MEGF11: variants seen among roughly 807,000 people sequenced by gnomAD.
MEGF11 encodes the protein multiple epidermal growth factor-like domains protein 11.
In MEGF11, 126 loss-of-function variants were observed where a neutral mutation model predicts 146.6. The observed-to-expected ratio is 0.86, with a 90% CI of 0.74 to 1.00. MEGF11 has a LOEUF of 1.00. MEGF11 is among the 50% of genes least tolerant of loss of function. MEGF11 has a pLI of 0.00. For missense variants in MEGF11, 1,509 were observed against 1,521.2 expected (o/e 0.99, Z 0.13); for synonymous variants, 532 against 583.4 (o/e 0.91, Z 1.27).
chr15:66,154,791 G>A (rs2089695278), intron 1 of MEGF11, among the ~76,000 whole-genome samples: 1 of 152,168 alleles, frequency 6.6e-6, no homozygotes, highest in Non-Finnish European at 1.5e-5. Context: ...AACCTTTTCA[G>A]TTGATGAACC....
chr15:66,192,658 G>A (rs1309595598), intron 1 of MEGF11, among the ~76,000 whole-genome samples: 1 of 152,106 alleles, frequency 6.6e-6, no homozygotes, highest in Non-Finnish European at 1.5e-5. Context: ...ACAGAGCCAG[G>A]ATTTGCCCCT....
At chr15:66,146,110 T>C (rs2089360721) in intron 1 of MEGF11, among the ~76,000 whole-genome samples, 1 of 152,190 alleles carries the variant, frequency 6.6e-6, no homozygotes, top group Non-Finnish European at 1.5e-5. Flanking sequence ...GAAATTGACT[T>C]AACTTCTCTG....
intron 1 of MEGF11, among the ~76,000 whole-genome samples, chr15:66,220,147 C>T (rs1470102450): frequency 6.6e-6 from 1 of 152,024 alleles, no homozygotes; most frequent in African/African-American, 2.4e-5. Context: ...TGGGGAGAAG[C>T]AAGGAGGGAT....
intron 1 of MEGF11, among the ~76,000 whole-genome samples, chr15:66,133,549 C>CCGTCTAGTGGCCT (rs2088751552): frequency 6.6e-6 from 1 of 152,196 alleles, no homozygotes; most frequent in African/African-American, 2.4e-5. Context: ...GGTTATCGCC[C>CCGTCTAGTGGCCT]CGTCTAGTGG....
intron 4 of MEGF11, 107 bp downstream of exon 4, chr15:66,118,979 C>T (rs2087870844): frequency 1.4e-6 from 1 of 731,964 alleles, no homozygotes; most frequent in Non-Finnish European, 2.3e-6. Context: ...TGGCTGAGGA[C>T]TGCTGCCTAG....
At chr15:65,899,536 A>T (rs2078440862) in intron 24 of MEGF11, among the ~76,000 whole-genome samples, 1 of 152,218 alleles carries the variant, frequency 6.6e-6, no homozygotes, top group African/African-American at 2.4e-5. Context: ...TGAGAAGCTT[A>T]GGTTCAGAAG....
intron 5 of MEGF11, among the ~76,000 whole-genome samples, chr15:66,006,637 C>T (rs945613417): frequency 3.3e-5 from 5 of 152,314 alleles, no homozygotes; most frequent in South Asian, 2.1e-4. Flanking sequence ...CTGGCATCCT[C>T]GACAGGAAAA....
intron 5 of MEGF11, among the ~76,000 whole-genome samples, chr15:66,058,971 G>C (rs528856392): frequency 6.6e-6 from 1 of 152,172 alleles, no homozygotes; most frequent in South Asian, 2.1e-4. Context: ...CCCCATCCAG[G>C]ACTCCCAACC....
intron 1 of MEGF11, among the ~76,000 whole-genome samples, chr15:66,227,044 T>G (rs1283132793): frequency 6.6e-6 from 1 of 152,124 alleles, no homozygotes; most frequent in Non-Finnish European, 1.5e-5. Flanking sequence ...TGGAAACAGG[T>G]CCACGGAGGC....
At chr15:66,053,459 T>C (rs1456538460) in intron 5 of MEGF11, among the ~76,000 whole-genome samples, 1 of 152,144 alleles carries the variant, frequency 6.6e-6, no homozygotes, top group Admixed American at 6.5e-5. Flanking sequence ...GTAGTATACA[T>C]AGGGGAATGG....
At chr15:66,034,754 T>TTCA (rs2083661393) in intron 5 of MEGF11, among the ~76,000 whole-genome samples, 22 of 152,244 alleles carry the variant, frequency 1.4e-4, no homozygotes, top group Non-Finnish European at 2.9e-4. Context: ...CCCAAAAGTT[T>TTCA]ATGTGTTGGA....
At chr15:65,928,755 G>A (rs1318973834) in intron 12 of MEGF11, among the ~76,000 whole-genome samples, 2 of 152,070 alleles carry the variant, frequency 1.3e-5, no homozygotes, top group Non-Finnish European at 2.9e-5. Context: ...AAGACACTCT[G>A]AAGAATTATT....
At position 65,912,196 on chromosome 15, in the gene MEGF11, C is replaced by T; in HGVS notation, c.2715G>A (p.Leu905=). ...AGTGGGCATGGCTGCTACTTTGAGA[C>T]AAATCTGGGAAGAGAACAAGGTGCC... ...MTSTDYSLSD[L]SQSSSHAHCF... The change falls in exon 21 of 26, where the codon TTG becomes TTA. Residue 905 remains leucine, a synonymous_variant. Coordinates refer to ENST00000395614, the MANE Select transcript of MEGF11 (RefSeq NM_001385028.1). The T allele has an allele frequency of 8.1e-7, 1 of 1,232,172 alleles. No individual in the cohort carries two copies. The highest frequency in any genetic ancestry group is 1.0e-6 in the Non-Finnish European group (1 of 987,972). 76.3% of individuals were successfully genotyped at this position (1,232,172 alleles called of 1,614,324 possible). A position where few individuals can be genotyped will look rare whatever the true frequency, so the allele number is the denominator to read the frequency against.
At chr15:66,101,569 G>A (rs925163497) in intron 4 of MEGF11, among the ~76,000 whole-genome samples, 1 of 152,130 alleles carries the variant, frequency 6.6e-6, no homozygotes, top group Non-Finnish European at 1.5e-5. Context: ...CTACTTGTCT[G>A]TCTTCCATAC....
At position 66,044,850 on chromosome 15, in the gene MEGF11, C is replaced by CA. The variant is rs140901440; in HGVS notation, c.394+49551dup. Among the ~76,000 whole-genome samples, 35 of 90,712 alleles carry CA rather than the reference C, an allele frequency of 3.9e-4. 1 individual carries two copies. The highest frequency in any genetic ancestry group is 1.7e-3 in the African/African-American group (34 of 20,004). The allele number at this position is 90,712 out of a possible 152,430, so 59.5% of individuals were successfully genotyped here. A position where few individuals can be genotyped will look rare whatever the true frequency, so the allele number is the denominator to read the frequency against. ...CCTGGATGACAGTGAGACCTTATCT[C>CA]AAAAAAAAAAAAAAAAAAAAAAAAA... On this transcript the variant is annotated intron_variant, in intron 5 of 25. Transcript: ENST00000395614.
chr15:66,082,458 AAAAAAAAAATCTAT>A (rs2085907318), intron 5 of MEGF11, among the ~76,000 whole-genome samples: 6 of 99,786 alleles, frequency 6.0e-5, no homozygotes, highest in Non-Finnish European at 1.2e-4. Context: ...AAAAAAAAAA[AAAAAAAAAATCTAT>A]CTATCTATCT....
intron 5 of MEGF11, among the ~76,000 whole-genome samples, chr15:66,092,782 G>T (rs995781966): frequency 2.0e-5 from 3 of 152,114 alleles, no homozygotes; most frequent in Admixed American, 1.3e-4. Flanking sequence ...GGGCCCCGGG[G>T]GACCCAGGCT....
chr15:66,175,724 G>T lies in MEGF11; in HGVS notation c.-8-47313C>A, dbSNP rs1236488522. 2.0e-5 allele frequency among the ~76,000 whole-genome samples: 3 copies of T among 152,262 alleles called. No individual in the cohort carries two copies. The East Asian group carries it at 5.8e-4, about 29-fold the overall frequency. ...ACCCATTACTATAAAACTACTAGAAGAAAACATAGGGGAAATACTGCAGCA... is the reference window on the plus strand; with the variant it reads ...ACCCATTACTATAAAACTACTAGAATAAAACATAGGGGAAATACTGCAGCA... On this transcript the variant is annotated intron_variant, in intron 1 of 25. Coordinates refer to ENST00000395614, the MANE Select transcript of MEGF11 (RefSeq NM_001385028.1).
At chr15:65,909,875 C>A in intron 21 of MEGF11, 69 bp from the exon 22 acceptor site, 1 of 1,363,210 alleles carries the variant, frequency 7.3e-7, no homozygotes, top group South Asian at 1.2e-5. Flanking sequence ...CTTCACTTTG[C>A]GTAGCTTCAG....
Sources: allele counts gnomAD v4.1 joint callset (sites outside exome capture counted in the v4.1 genomes callset), GRCh38; gene constraint gnomAD v4.1.1; transcripts MANE v1.5; gene names NCBI Gene and HGNC (gene_info 2026-07-23, HGNC 2026-07-21).